The following USP31 variants were observed in gnomAD, a reference collection of about 807,000 sequenced individuals.
The protein encoded by USP31 is ubiquitin carboxyl-terminal hydrolase 31.
In USP31, 44 loss-of-function variants were observed where a neutral mutation model predicts 119.4. That is an observed-to-expected ratio of 0.37 (90% CI 0.29 to 0.47). The LOEUF is 0.47. Ranked by LOEUF, USP31 falls within the 20% of genes least tolerant of loss-of-function variation. The pLI is 0.99. For missense variants in USP31, 1,643 were observed against 1,730.2 expected (o/e 0.95, Z 0.89); for synonymous variants, 749 against 705.6 (o/e 1.06, Z -0.97).
chr16:23,085,687 G>A (rs1161230086), intron 9 of USP31, 25 bp from the exon 10 acceptor site: 2 of 1,562,500 alleles, frequency 1.3e-6, no homozygotes, highest in African/African-American at 1.4e-5. Context: ...AAGTGGAGAG[G>A]GAAGCCACAT....
chr16:23,117,113 T>G (rs1292250821), intron 1 of USP31, among the ~76,000 whole-genome samples: 1 of 152,206 alleles, frequency 6.6e-6, no homozygotes. Flanking sequence ...CTCAGAAAGT[T>G]TCAAATTTTG....
At chr16:23,111,893 T>C (rs1011700431) in intron 1 of USP31, among the ~76,000 whole-genome samples, 1 of 152,148 alleles carries the variant, frequency 6.6e-6, no homozygotes, top group Non-Finnish European at 1.5e-5. Flanking sequence ...TATATTCCAA[T>C]TAAGACAACG....
intron 6 of USP31, among the ~76,000 whole-genome samples, chr16:23,091,974 G>T (rs538323204): frequency 6.6e-6 from 1 of 152,192 alleles, no homozygotes; most frequent in Non-Finnish European, 1.5e-5. Context: ...AGGGTGGGAA[G>T]ATCTGTTCTC....
At chr16:23,072,307 C>T in intron 14 of USP31, 110 bp from the exon 15 acceptor site, 1 of 1,443,212 alleles carries the variant, frequency 6.9e-7, no homozygotes, top group Non-Finnish European at 9.4e-7. Flanking sequence ...GCGTTGATGT[C>T]CTCACCCCGA....
chr16:23,096,433 C>T (rs1901617152), intron 6 of USP31, among the ~76,000 whole-genome samples: 1 of 152,186 alleles, frequency 6.6e-6, no homozygotes, highest in African/African-American at 2.4e-5. Flanking sequence ...GACAGATCAA[C>T]AAGACAAAAG....
chr16:23,145,255 G>C (rs866832877), intron 1 of USP31, among the ~76,000 whole-genome samples: 1 of 152,162 alleles, frequency 6.6e-6, no homozygotes, highest in Non-Finnish European at 1.5e-5. Context: ...CATCACCAGG[G>C]AGCTTGTTAG....
At chr16:23,096,204 A>G (rs1233277540) in intron 6 of USP31, among the ~76,000 whole-genome samples, 1 of 152,234 alleles carries the variant, frequency 6.6e-6, no homozygotes, top group Non-Finnish European at 1.5e-5. Flanking sequence ...CTAGTCTCTC[A>G]TAAAACAGAA....
In USP31 at chr16:23,079,993, T is replaced by C. The variant is rs768194892; in HGVS notation, c.2129A>G (p.Tyr710Cys). 36 of 1,613,940 alleles carry C rather than the reference T, an allele frequency of 2.2e-5. No individual in the cohort carries two copies. The Admixed American group carries it at 6.0e-4, about 27-fold the overall frequency. The part of the protein sequence containing the change: ...RDPEDYIYDL[Y>C]AVCNHHGTMQ... ...GGTGCCATGGTGATTGCACACAGCA[T>C]ACAGGTCATAGATGTAGTCCTCAGG... The change falls in exon 13 of 16, where the codon TAT becomes TGT. Residue 710 changes from tyrosine to cysteine, a missense_variant. Physicochemically the swap from Tyr to Cys is radical, Grantham distance 194 (BLOSUM62 -2). Transcript: ENST00000219689.
Position 23,137,888 on chromosome 16 carries a change from A to C in USP31, c.633+10750T>G, listed in dbSNP as rs1903241863. On this transcript the variant is annotated intron_variant, in intron 1 of 15. Coordinates refer to ENST00000219689, the MANE Select transcript of USP31 (RefSeq NM_020718.4). ...GCAAAGTGATATCATATAAATCATT[A>C]AACAGTATTACAAATGTTCTTTAGA... Among the ~76,000 whole-genome samples, 4 of 152,182 alleles carry C rather than the reference A, an allele frequency of 2.6e-5. No individual in the cohort carries two copies. In the South Asian group the frequency reaches 8.3e-4, roughly 32 times the overall value.
chr16:23,097,404 G>C (rs1253501260), intron 6 of USP31, among the ~76,000 whole-genome samples: 1 of 150,722 alleles, frequency 6.6e-6, no homozygotes, highest in Non-Finnish European at 1.5e-5. Context: ...CAAATTCTAG[G>C]AGCTGGTACC....
In USP31 at chr16:23,139,893, C is replaced by A. The variant is rs185861905; in HGVS notation, c.633+8745G>T. Among the ~76,000 whole-genome samples, 15 of 152,194 alleles carry A rather than the reference C, an allele frequency of 9.9e-5. No homozygotes were observed. The East Asian group carries it at 2.1e-3, about 22-fold the overall frequency. On this transcript the variant is annotated intron_variant, in intron 1 of 15. Coordinates refer to ENST00000219689, the MANE Select transcript of USP31 (RefSeq NM_020718.4). ...TTTATATCAAATATCCCTATTATTT[C>A]TTTATCACCTTGGCCTGAAACCTCA...
chr16:23,064,634 A>T lies in USP31; in HGVS notation c.*3412T>A, dbSNP rs1265068337. On this transcript the variant is annotated 3_prime_UTR_variant, in exon 16 of 16. Coordinates refer to ENST00000219689, the MANE Select transcript of USP31 (RefSeq NM_020718.4). ...AGAAGGAACAGACTTGCTCAAGAGA[A>T]CCACAAGCCTTAGCCGATTTGACCG... 6.6e-6 allele frequency: 1 copy of T among 152,200 alleles called. No homozygotes were observed. Among genetic ancestry groups the T allele is most frequent in the African/African-American group, 2.4e-5 (1 of 41,452 alleles). The allele number at this position is 152,200 out of a possible 1,614,324, so 9.4% of individuals were successfully genotyped here. A position where few individuals can be genotyped will look rare whatever the true frequency, so the allele number is the denominator to read the frequency against.
At chr16:23,125,406 G>A (rs567081055) in intron 1 of USP31, among the ~76,000 whole-genome samples, 11 of 152,272 alleles carry the variant, frequency 7.2e-5, no homozygotes, top group Middle Eastern at 3.4e-3. Flanking sequence ...CCGGGAAGGG[G>A]TGGGGGCAGC....
At chr16:23,105,726 T>C in intron 4 of USP31, 150 bp from the exon 5 acceptor site, 1 of 837,362 alleles carries the variant, frequency 1.2e-6, no homozygotes, top group Non-Finnish European at 1.7e-6. Flanking sequence ...TTCACTTGGC[T>C]CTAAGCAGAA....
chr16:23,126,626 CAAAAA>C (rs78273190), intron 1 of USP31, among the ~76,000 whole-genome samples: 1 of 107,210 alleles, frequency 9.3e-6, no homozygotes, highest in Admixed American at 9.8e-5. Flanking sequence ...GACTCTGTCT[CAAAAA>C]AAAAAAAAAG....
At chr16:23,129,378 A>G (rs1459858693) in intron 1 of USP31, among the ~76,000 whole-genome samples, 1 of 152,174 alleles carries the variant, frequency 6.6e-6, no homozygotes, top group Non-Finnish European at 1.5e-5. Flanking sequence ...GACAGAAACA[A>G]TATCAGAGAA....
intron 1 of USP31, among the ~76,000 whole-genome samples, chr16:23,143,747 G>C (rs1014872514): frequency 5.5e-4 from 84 of 152,182 alleles, no homozygotes; most frequent in African/African-American, 1.7e-3. Context: ...AAACCCTTTA[G>C]TAAGGGGGGC....
At chr16:23,131,106 T>G (rs554292003) in intron 1 of USP31, among the ~76,000 whole-genome samples, 1 of 152,184 alleles carries the variant, frequency 6.6e-6, no homozygotes, top group Admixed American at 6.5e-5. Context: ...GGCCAGTAAT[T>G]TGAGACCAGT....
intron 9 of USP31, among the ~76,000 whole-genome samples, chr16:23,086,275 T>C (rs1901104011): frequency 6.6e-6 from 1 of 152,198 alleles, no homozygotes; most frequent in African/African-American, 2.4e-5. Flanking sequence ...AGCAGGACCA[T>C]ATTGTATGCT....
Sources: allele counts gnomAD v4.1 joint callset (sites outside exome capture counted in the v4.1 genomes callset), GRCh38; gene constraint gnomAD v4.1.1; transcripts MANE v1.5; gene names NCBI Gene and HGNC (gene_info 2026-07-23, HGNC 2026-07-21).